The following RYR2 variants were observed in gnomAD, a reference collection of about 807,000 sequenced individuals.
The protein encoded by RYR2 is ryanodine receptor 2.
RYR2 carries 227 observed loss-of-function variants against 601.1 expected under a neutral mutation model. That is an observed-to-expected ratio of 0.38 (90% CI 0.34 to 0.42). The LOEUF is 0.42. RYR2 is among the 10% of genes least tolerant of loss of function. The pLI, the probability that RYR2 is intolerant of heterozygous loss-of-function variation, is 1.00. For synonymous variants in RYR2, 2,223 were observed against 2,175.1 expected (o/e 1.02, Z -0.61); for missense variants, 4,646 against 6,156.5 (o/e 0.75, Z 8.21).
chr1:237,394,184 T>C (rs1283773265), intron 10 of RYR2, among the ~76,000 whole-genome samples: 1 of 152,226 alleles, frequency 6.6e-6, no homozygotes, highest in African/African-American at 2.4e-5. Flanking sequence ...TTTTGTAAAT[T>C]TCCAGATGCC....
chr1:237,089,875 A>C (rs1025014104), intron 1 of RYR2, among the ~76,000 whole-genome samples: 4 of 152,200 alleles, frequency 2.6e-5, no homozygotes, highest in Non-Finnish European at 5.9e-5. Context: ...GGTCGGCTGA[A>C]TAAGGGCCTG....
intron 25 of RYR2, among the ~76,000 whole-genome samples, chr1:237,547,893 A>G (rs1393056125): frequency 3.3e-5 from 5 of 152,178 alleles, no homozygotes; most frequent in South Asian, 2.1e-4. Flanking sequence ...TCTAGTCTCT[A>G]TCTTATTTAG....
At chr1:237,519,715 A>G (rs1558959577) in intron 24 of RYR2, among the ~76,000 whole-genome samples, 3 of 152,308 alleles carry the variant, frequency 2.0e-5, no homozygotes, top group South Asian at 2.1e-4. Context: ...GTCAGGTAAT[A>G]TGATGCCTCC....
intron 27 of RYR2, among the ~76,000 whole-genome samples, chr1:237,561,568 A>C (rs1671460625): frequency 6.6e-6 from 1 of 152,196 alleles, no homozygotes; most frequent in African/African-American, 2.4e-5. Flanking sequence ...TTAAGTGTAG[A>C]AAGAGTTGAG....
rs774492374 is a variant in RYR2, at chr1:237,456,683, A to G, written c.1560A>G (p.Arg520=). 1 of 1,613,640 alleles carries G rather than the reference A, an allele frequency of 6.2e-7. No individual in the cohort carries two copies. Among genetic ancestry groups the G allele is most frequent in the East Asian group, 2.2e-5 (1 of 44,874 alleles). The change falls in exon 16 of 105, where the codon CGA becomes CGG. Residue 520 remains arginine, a synonymous_variant. Coordinates refer to ENST00000366574, the MANE Select transcript of RYR2 (RefSeq NM_001035.3). ...CACACTTTGCTGATGTTGCTGGGCGAGAAGCAGGAGAGTCTTGGAAATCCA... is the reference window on the plus strand; with the variant it reads ...CACACTTTGCTGATGTTGCTGGGCGGGAAGCAGGAGAGTCTTGGAAATCCA... ...SAAHFADVAG[R]EAGESWKSIL...
At chr1:237,072,928 AC>A (rs1440926192) in intron 1 of RYR2, among the ~76,000 whole-genome samples, 4 of 143,976 alleles carry the variant, frequency 2.8e-5, no homozygotes, top group African/African-American at 1.0e-4. Context: ...AGCACGGGCG[AC>A]AGAGCGAGAC....
chr1:237,787,251 A>G (rs1283575652), intron 91 of RYR2, among the ~76,000 whole-genome samples: 1 of 152,168 alleles, frequency 6.6e-6, no homozygotes, highest in Non-Finnish European at 1.5e-5. Context: ...TTAAGTGTGT[A>G]GGCCTCTGAT....
intron 93 of RYR2, chr1:237,791,848 C>A: frequency 1.7e-6 from 1 of 577,530 alleles, no homozygotes; most frequent in South Asian, 2.2e-5. Flanking sequence ...GAGAAGAGAG[C>A]TTAGCCATCT....
chr1:237,343,815 T>A (rs958005133), intron 3 of RYR2, among the ~76,000 whole-genome samples: 4 of 149,866 alleles, frequency 2.7e-5, no homozygotes, highest in Non-Finnish European at 5.9e-5. Flanking sequence ...CCATAAGAGG[T>A]TTTTTGTTTT....
intron 10 of RYR2, among the ~76,000 whole-genome samples, chr1:237,404,897 G>C (rs138204198): frequency 6.6e-6 from 1 of 152,148 alleles, no homozygotes; most frequent in South Asian, 2.1e-4. Context: ...CTGTCAGAGC[G>C]CAATGAAATA....
intron 1 of RYR2, among the ~76,000 whole-genome samples, chr1:237,164,568 G>A (rs1415717): frequency 2.0e-4 from 31 of 152,244 alleles, no homozygotes; most frequent in African/African-American, 6.0e-4. Flanking sequence ...AATGATGAGG[G>A]CCAGGCAGTA....
At chr1:237,464,073 C>G (rs956720618) in intron 16 of RYR2, among the ~76,000 whole-genome samples, 1 of 152,152 alleles carries the variant, frequency 6.6e-6, no homozygotes, top group Non-Finnish European at 1.5e-5. Context: ...ACATTTTGCA[C>G]ACCTGCATGC....
intron 92 of RYR2, among the ~76,000 whole-genome samples, chr1:237,789,278 A>G (rs1209493555): frequency 6.6e-6 from 1 of 152,164 alleles, no homozygotes; most frequent in Non-Finnish European, 1.5e-5. Flanking sequence ...AATTTCACCT[A>G]TAAGGAAAGT....
intron 80 of RYR2, among the ~76,000 whole-genome samples, chr1:237,743,290 C>G (rs1691778139): frequency 6.6e-6 from 1 of 152,132 alleles, no homozygotes; most frequent in African/African-American, 2.4e-5. Context: ...TTGTTATGAA[C>G]CTCTCTGCAG....
chr1:237,248,161 A>G (rs1341450974), intron 1 of RYR2, among the ~76,000 whole-genome samples: 1 of 151,120 alleles, frequency 6.6e-6, no homozygotes, highest in Non-Finnish European at 1.5e-5. Flanking sequence ...AATCCCAGCT[A>G]CTCAGGAGGC....
At chr1:237,617,214 C>T (rs1459081242) in intron 37 of RYR2, 72 bp from the exon 38 acceptor site, 1 of 1,355,176 alleles carries the variant, frequency 7.4e-7, no homozygotes, top group African/African-American at 1.5e-5. Context: ...ATGTTTACCA[C>T]AGATTATGAT....
At chr1:237,245,607 A>G (rs1167730722) in intron 1 of RYR2, among the ~76,000 whole-genome samples, 1 of 152,182 alleles carries the variant, frequency 6.6e-6, no homozygotes, top group Non-Finnish European at 1.5e-5. Flanking sequence ...AGGTGGAAGG[A>G]AAGACTCAAC....
chr1:237,663,722 G>A (rs1201581129), intron 56 of RYR2, among the ~76,000 whole-genome samples: 2 of 152,182 alleles, frequency 1.3e-5, no homozygotes, highest in African/African-American at 4.8e-5. Context: ...ATATAGGTGA[G>A]CCATAATTTT....
chr1:237,304,114 G>C (rs943621711), intron 2 of RYR2, among the ~76,000 whole-genome samples: 1 of 152,252 alleles, frequency 6.6e-6, no homozygotes, highest in Admixed American at 6.5e-5. Context: ...AGTGTGATAT[G>C]ATTCTTTTAT....
Sources: allele counts gnomAD v4.1 joint callset (sites outside exome capture counted in the v4.1 genomes callset), GRCh38; gene constraint gnomAD v4.1.1; transcripts MANE v1.5; gene names NCBI Gene and HGNC (gene_info 2026-07-23, HGNC 2026-07-21).